Variants in OSBPL8 observed in about 807,000 individuals in gnomAD.
OSBPL8 encodes oxysterol binding protein like 8.
Under a neutral mutation model 125.5 loss-of-function variants are expected in OSBPL8, and 59 were observed. The ratio of observed to expected loss-of-function variants is 0.47; its 90% CI spans 0.38 to 0.58. The LOEUF is 0.58. Ranked by LOEUF, OSBPL8 falls within the 20% of genes least tolerant of loss-of-function variation. OSBPL8 has a pLI of 0.00. For missense variants in OSBPL8, 758 were observed against 1,047.8 expected (o/e 0.72, Z 3.82); for synonymous variants, 330 against 338.9 (o/e 0.97, Z 0.29).
At chr12:76,500,430 T>A (rs907970339) in intron 1 of OSBPL8, among the ~76,000 whole-genome samples, 27 of 152,226 alleles carry the variant, frequency 1.8e-4, no homozygotes, top group African/African-American at 6.3e-4. Flanking sequence ...CTTCCTTGAT[T>A]TCCCCTAACT....
intron 1 of OSBPL8, among the ~76,000 whole-genome samples, chr12:76,546,783 C>T (rs7313779): frequency 0.8 from 121,096 of 152,080 alleles, 48,441 homozygotes; most frequent in East Asian, 0.92. Flanking sequence ...AAATCAAGAG[C>T]TAGTTTCACA....
chr12:76,370,150 G>A (rs1363626146), intron 19 of OSBPL8, among the ~76,000 whole-genome samples: 2 of 152,044 alleles, frequency 1.3e-5, no homozygotes, highest in Non-Finnish European at 2.9e-5. Flanking sequence ...AGGAATCTAC[G>A]CTTTTAGCAA....
At chr12:76,424,936 G>C (rs931038734) in intron 4 of OSBPL8, among the ~76,000 whole-genome samples, 2 of 152,174 alleles carry the variant, frequency 1.3e-5, no homozygotes, top group Non-Finnish European at 2.9e-5. Flanking sequence ...AGATGAACAA[G>C]TAGTCATGGT....
intron 3 of OSBPL8, among the ~76,000 whole-genome samples, chr12:76,454,831 T>C (rs1269376845): frequency 6.6e-6 from 1 of 150,428 alleles, no homozygotes; most frequent in Admixed American, 6.6e-5. Flanking sequence ...AATCTAGTGA[T>C]ACATACATGA....
At chr12:76,413,474 A>G (rs969499953) in intron 4 of OSBPL8, among the ~76,000 whole-genome samples, 6 of 152,208 alleles carry the variant, frequency 3.9e-5, no homozygotes, top group African/African-American at 1.4e-4. Flanking sequence ...ATTCTTGGAA[A>G]TGTATCGTGG....
chr12:76,412,567 C>A (rs116486029), intron 4 of OSBPL8, among the ~76,000 whole-genome samples: 1 of 151,992 alleles, frequency 6.6e-6, no homozygotes, highest in East Asian at 1.9e-4. Flanking sequence ...CATTTATCAG[C>A]AATAATGATA....
intron 1 of OSBPL8, among the ~76,000 whole-genome samples, chr12:76,524,333 G>A (rs898521145): frequency 6.6e-6 from 1 of 152,140 alleles, no homozygotes; most frequent in African/African-American, 2.4e-5. Context: ...TTTGTTAGGA[G>A]GTGATAATTT....
chr12:76,471,839 A>C (rs1876173600), intron 2 of OSBPL8, among the ~76,000 whole-genome samples: 1 of 152,174 alleles, frequency 6.6e-6, no homozygotes, highest in Admixed American at 6.6e-5. Flanking sequence ...TTTACTTGTT[A>C]CTCTCACAGC....
At chr12:76,386,359 G>A in intron 13 of OSBPL8, 93 bp from the exon 14 acceptor site, 3 of 1,438,874 alleles carry the variant, frequency 2.1e-6, no homozygotes, top group Non-Finnish European at 2.8e-6. Flanking sequence ...TCTACCATCT[G>A]GGAACCGTCC....
At chr12:76,528,507 C>A (rs1408190809) in intron 1 of OSBPL8, among the ~76,000 whole-genome samples, 1 of 151,984 alleles carries the variant, frequency 6.6e-6, no homozygotes, top group South Asian at 2.1e-4. Flanking sequence ...ATAAATCATG[C>A]CTTGTCGAGT....
chr12:76,454,796 T>C (rs1030757185), intron 3 of OSBPL8, among the ~76,000 whole-genome samples: 3 of 150,618 alleles, frequency 2.0e-5, no homozygotes, highest in African/African-American at 7.3e-5. Flanking sequence ...ATGACACCAT[T>C]CTTTTAAAAT....
chr12:76,555,957 C>A (rs965411929), intron 1 of OSBPL8, among the ~76,000 whole-genome samples: 4 of 152,162 alleles, frequency 2.6e-5, no homozygotes, highest in African/African-American at 9.7e-5. Flanking sequence ...ACGTTGTCTA[C>A]CCCCTTAGAC....
At chr12:76,430,731 T>C (rs1030746430) in intron 4 of OSBPL8, among the ~76,000 whole-genome samples, 1 of 152,140 alleles carries the variant, frequency 6.6e-6, no homozygotes, top group Non-Finnish European at 1.5e-5. Context: ...ATATATTCAA[T>C]GTACTGAAAG....
intron 21 of OSBPL8, among the ~76,000 whole-genome samples, chr12:76,364,959 T>A (rs184568790): frequency 6.6e-6 from 1 of 152,164 alleles, no homozygotes. Context: ...CTTTTAGTAG[T>A]ACAGTTACGT....
chr12:76,364,761 G>A (rs1017241765), intron 21 of OSBPL8, among the ~76,000 whole-genome samples: 2 of 152,154 alleles, frequency 1.3e-5, no homozygotes, highest in African/African-American at 2.4e-5. Flanking sequence ...ACGTTCCTTT[G>A]ATTACTATAG....
chr12:76,386,718 C>A, intron 12 of OSBPL8, 58 bp from the exon 13 acceptor site: 1 of 1,200,818 alleles, frequency 8.3e-7, no homozygotes, highest in Admixed American at 2.0e-5. Flanking sequence ...TTCTCTCTCA[C>A]ATTTATTAAC....
At chr12:76,376,474 A>T (rs1439889502) in intron 16 of OSBPL8, among the ~76,000 whole-genome samples, 1 of 152,228 alleles carries the variant, frequency 6.6e-6, no homozygotes, top group African/African-American at 2.4e-5. Context: ...GAAACATCTT[A>T]TAAAAATCAT....
At chr12:76,557,977 G>A (rs1208219539) in intron 1 of OSBPL8, among the ~76,000 whole-genome samples, 1 of 152,084 alleles carries the variant, frequency 6.6e-6, no homozygotes, top group African/African-American at 2.4e-5. Flanking sequence ...CTGTGTACAC[G>A]GTATTGCTGT....
chr12:76,369,308 A>G lies in OSBPL8; in HGVS notation c.2241-7T>C. ...TGGGTCCCATGGTCGGGTACTACATAAATGAAAAAAAAAAAAACCATTTGC... is the reference window on the plus strand; with the variant it reads ...TGGGTCCCATGGTCGGGTACTACATGAATGAAAAAAAAAAAAACCATTTGC... On this transcript the variant is annotated splice_region_variant and splice_polypyrimidine_tract_variant and intron_variant, in intron 20 of 23. Coordinates refer to ENST00000261183, the MANE Select transcript of OSBPL8 (RefSeq NM_020841.5). 6.5e-7 allele frequency: 1 copy of G among 1,541,716 alleles called. No homozygotes were observed. Among genetic ancestry groups the G allele is most frequent in the Non-Finnish European group, 8.7e-7 (1 of 1,153,712 alleles).
Sources: allele counts gnomAD v4.1 joint callset (sites outside exome capture counted in the v4.1 genomes callset), GRCh38; gene constraint gnomAD v4.1.1; transcripts MANE v1.5; gene names NCBI Gene and HGNC (gene_info 2026-07-23, HGNC 2026-07-21).